CTIF: variants seen among roughly 807,000 people sequenced by gnomAD.
CTIF encodes the protein cap binding complex dependent translation initiation factor, also known as CBP80/20-dependent translation initiation factor.
A neutral mutation model predicts 66.0 loss-of-function variants in CTIF; 21 were observed. The observed-to-expected ratio is 0.32, with a 90% CI of 0.23 to 0.46. The LOEUF is 0.46. Ranked by LOEUF, CTIF falls within the 20% of genes least tolerant of loss-of-function variation. The probability of loss-of-function intolerance (pLI) is 1.00; values close to 1 mark genes in which losing one functional copy is unlikely to be tolerated. For missense variants in CTIF, 739 were observed against 812.7 expected (o/e 0.91, Z 1.10); for synonymous variants, 345 against 326.4 (o/e 1.06, Z -0.62).
chr18:48,788,357 C>A (rs989906194), intron 9 of CTIF, among the ~76,000 whole-genome samples: 1 of 152,148 alleles, frequency 6.6e-6, no homozygotes, highest in Non-Finnish European at 1.5e-5. Context: ...ACATTTCAGG[C>A]CAGAATTCCA....
chr18:48,652,067 A>G (rs1289121415), intron 3 of CTIF, among the ~76,000 whole-genome samples: 1 of 152,234 alleles, frequency 6.6e-6, no homozygotes, highest in African/African-American at 2.4e-5. Flanking sequence ...CATCACAATT[A>G]AAAGAACTAG....
intron 10 of CTIF, among the ~76,000 whole-genome samples, chr18:48,842,590 T>C (rs2068971291): frequency 1.3e-5 from 2 of 152,180 alleles, no homozygotes; most frequent in Admixed American, 1.3e-4. Context: ...TGGGCAATGC[T>C]TTCCAGAGGC....
At chr18:48,751,501 C>G (rs181982424) in intron 7 of CTIF, among the ~76,000 whole-genome samples, 29 of 152,358 alleles carry the variant, frequency 1.9e-4, no homozygotes, top group Admixed American at 2.0e-4. Flanking sequence ...GCTACCTCCC[C>G]TCCCCAGACC....
At chr18:48,705,783 CT>C (rs1222871904) in intron 6 of CTIF, among the ~76,000 whole-genome samples, 2 of 152,258 alleles carry the variant, frequency 1.3e-5, no homozygotes, top group Non-Finnish European at 2.9e-5. Context: ...TCTCTTGTGC[CT>C]TGTCAAATGC....
chr18:48,560,439 A>G (rs1013348688), intron 1 of CTIF, among the ~76,000 whole-genome samples: 26 of 152,076 alleles, frequency 1.7e-4, no homozygotes, highest in African/African-American at 6.3e-4. Context: ...GTTAGGCAGG[A>G]TGGTCTCGAT....
intron 2 of CTIF, among the ~76,000 whole-genome samples, chr18:48,625,556 C>T (rs570224746): frequency 6.6e-6 from 1 of 152,228 alleles, no homozygotes; most frequent in Admixed American, 6.5e-5. Context: ...TTTTTTAATG[C>T]CTTTCCTGAC....
At chr18:48,742,057 G>A (rs1012182366) in intron 7 of CTIF, among the ~76,000 whole-genome samples, 1 of 152,176 alleles carries the variant, frequency 6.6e-6, no homozygotes, top group Non-Finnish European at 1.5e-5. Context: ...ACAGGATGTG[G>A]TCCCTGCCTG....
intron 9 of CTIF, among the ~76,000 whole-genome samples, chr18:48,781,376 A>G (rs1198341726): frequency 1.3e-5 from 2 of 152,064 alleles, no homozygotes; most frequent in Non-Finnish European, 2.9e-5. Context: ...TAGGGCAAAG[A>G]GGGTGCGGGG....
chr18:48,846,219 G>A (rs755122397), intron 10 of CTIF, among the ~76,000 whole-genome samples: 10 of 152,092 alleles, frequency 6.6e-5, no homozygotes, highest in Non-Finnish European at 1.5e-4. Flanking sequence ...ATTCATCATT[G>A]TACTCTGCTA....
intron 3 of CTIF, among the ~76,000 whole-genome samples, chr18:48,642,726 G>C (rs299724): frequency 0.27 from 41,312 of 151,976 alleles, 6,940 homozygotes; most frequent in African/African-American, 0.47. Flanking sequence ...TAACAAACAA[G>C]CCCAAATCTC....
intron 1 of CTIF, among the ~76,000 whole-genome samples, chr18:48,570,802 C>T (rs1431094119): frequency 6.6e-6 from 1 of 151,872 alleles, no homozygotes; most frequent in African/African-American, 2.4e-5. Context: ...GGGACCCAGA[C>T]TTTGAGGAGG....
At chr18:48,597,952 G>A (rs753042334) in intron 1 of CTIF, among the ~76,000 whole-genome samples, 13 of 152,312 alleles carry the variant, frequency 8.5e-5, no homozygotes, top group African/African-American at 2.4e-4. Flanking sequence ...TGCAGGGGAC[G>A]GATCTCTGCC....
chr18:48,826,900 G>A (rs372530233), intron 10 of CTIF: 1 of 152,336 alleles, frequency 6.6e-6, no homozygotes, highest in Non-Finnish European at 1.5e-5. Context: ...CTGGATGAAT[G>A]TGGGGAAATG....
intron 9 of CTIF, among the ~76,000 whole-genome samples, chr18:48,786,339 G>C (rs1911703635): frequency 6.6e-6 from 1 of 152,172 alleles, no homozygotes; most frequent in South Asian, 2.1e-4. Flanking sequence ...GATGCTCTTA[G>C]TGTCTAAGCC....
At chr18:48,703,182 A>G (rs188455771) in intron 6 of CTIF, among the ~76,000 whole-genome samples, 27 of 152,232 alleles carry the variant, frequency 1.8e-4, no homozygotes, top group African/African-American at 6.0e-4. Flanking sequence ...ATGCCCAGGG[A>G]GTGACAGAAA....
At chr18:48,721,326 G>T (rs1355498657) in intron 7 of CTIF, among the ~76,000 whole-genome samples, 1 of 152,214 alleles carries the variant, frequency 6.6e-6, no homozygotes, top group Non-Finnish European at 1.5e-5. Flanking sequence ...CTGCGTCTAG[G>T]ATGGGACGTA....
chr18:48,818,744 G>A (rs560176977), intron 10 of CTIF, among the ~76,000 whole-genome samples: 145 of 152,134 alleles, frequency 9.5e-4, no homozygotes, highest in Admixed American at 2.0e-3. Flanking sequence ...TCCCACCACC[G>A]GCAGGCCTCT....
chr18:48,658,862 G>C (rs552733021), intron 3 of CTIF, among the ~76,000 whole-genome samples: 1 of 152,278 alleles, frequency 6.6e-6, no homozygotes, highest in Admixed American at 6.5e-5. Context: ...CTCAGCCCAG[G>C]GCAAGTGGGC....
chr18:48,819,414 T>A (rs1028289025), intron 10 of CTIF, among the ~76,000 whole-genome samples: 3 of 152,230 alleles, frequency 2.0e-5, no homozygotes, highest in Non-Finnish European at 4.4e-5. Flanking sequence ...GGCAGTGACC[T>A]GAATTGCCCC....
Sources: gnomAD v4.1 joint callset for allele counts (sites outside exome capture counted in the v4.1 genomes callset) on GRCh38, gnomAD v4.1.1 for gene constraint, MANE v1.5 for transcripts, NCBI Gene and HGNC (gene_info 2026-07-23, HGNC 2026-07-21) for gene names.